Variants in BABAM2 observed in about 807,000 individuals in gnomAD.
BABAM2 encodes the protein BRISC and BRCA1 A complex member 2, also known as BRISC and BRCA1-A complex member 2.
BABAM2 carries 31 observed loss-of-function variants against 54.7 expected under a neutral mutation model. The observed-to-expected ratio is 0.57, with a 90% CI of 0.43 to 0.77. The LOEUF (loss-of-function observed/expected upper bound fraction) is 0.77, where lower values mean the gene tolerates loss of function less well. BABAM2 is among the 30% of genes least tolerant of loss of function. The probability of loss-of-function intolerance (pLI) is 0.00; values close to 1 mark genes in which losing one functional copy is unlikely to be tolerated. For synonymous variants in BABAM2, 167 were observed against 162.9 expected (o/e 1.03, Z -0.19); for missense variants, 364 against 455.8 (o/e 0.80, Z 1.83).
intron 6 of BABAM2, among the ~76,000 whole-genome samples, chr2:28,052,535 G>C (rs1274479636): frequency 6.6e-6 from 1 of 152,070 alleles, no homozygotes; most frequent in Non-Finnish European, 1.5e-5. Context: ...TGATCTGCCT[G>C]CCTGGGTCTC....
chr2:28,055,233 A>G (rs1678308780), intron 6 of BABAM2, among the ~76,000 whole-genome samples: 1 of 152,176 alleles, frequency 6.6e-6, no homozygotes. Context: ...GGATACAAAA[A>G]AGGGAGAAAT....
At chr2:28,079,089 A>G (rs1423587495) in intron 6 of BABAM2, among the ~76,000 whole-genome samples, 2 of 152,176 alleles carry the variant, frequency 1.3e-5, no homozygotes, top group Non-Finnish European at 1.5e-5. Context: ...TTAGCAACTT[A>G]TTTTCTAAAT....
chr2:28,286,176 G>A (rs1201270815), intron 10 of BABAM2, among the ~76,000 whole-genome samples: 5 of 151,930 alleles, frequency 3.3e-5, no homozygotes, highest in African/African-American at 1.2e-4. Flanking sequence ...GGGTGGTCTC[G>A]AACTCCTGAC....
intron 7 of BABAM2, among the ~76,000 whole-genome samples, chr2:28,154,063 A>C (rs1672313130): frequency 6.6e-6 from 1 of 152,190 alleles, no homozygotes; most frequent in South Asian, 2.1e-4. Context: ...GGAGTTACAC[A>C]AGGACAATAG....
rs369622635 is a variant in BABAM2, at chr2:28,240,623, A to G, written c.781-700A>G. Among the ~76,000 whole-genome samples, 18 of 152,268 alleles carry G rather than the reference A, an allele frequency of 1.2e-4. No individual in the cohort carries two copies. The South Asian group carries it at 3.7e-3, about 32-fold the overall frequency. On this transcript the variant is annotated intron_variant, in intron 8 of 11. Transcript: ENST00000379624. ...AGTGGCTCACACCTGTAATCCTAGG[A>G]CTTTGGGAGGCTGAGGCAGGCTGAT...
chr2:27,895,869 C>T (rs755062429), intron 2 of BABAM2, among the ~76,000 whole-genome samples: 9 of 152,190 alleles, frequency 5.9e-5, no homozygotes, highest in Non-Finnish European at 1.3e-4. Context: ...CAGTTATTTA[C>T]TTATGCCAGT....
chr2:28,234,732 C>T (rs1489989286), intron 7 of BABAM2, among the ~76,000 whole-genome samples: 2 of 152,138 alleles, frequency 1.3e-5, no homozygotes, highest in Non-Finnish European at 2.9e-5. Flanking sequence ...ATTTTTCTTG[C>T]ACTGTGGATT....
intron 4 of BABAM2, among the ~76,000 whole-genome samples, chr2:28,019,005 C>G (rs960964966): frequency 6.6e-6 from 1 of 152,132 alleles, no homozygotes; most frequent in Non-Finnish European, 1.5e-5. Flanking sequence ...CCCCTTACCC[C>G]CCAACCCTTG....
At chr2:28,077,077 A>G (rs902056074) in intron 6 of BABAM2, among the ~76,000 whole-genome samples, 5 of 152,194 alleles carry the variant, frequency 3.3e-5, no homozygotes, top group African/African-American at 4.8e-5. Flanking sequence ...AGGCCTTTTC[A>G]GCCTTTAGGT....
intron 6 of BABAM2, among the ~76,000 whole-genome samples, chr2:28,109,184 CT>C (rs764380110): frequency 0.013 from 1,373 of 101,884 alleles, 7 homozygotes; most frequent in South Asian, 0.034. Context: ...GACACATACT[CT>C]TTTTTTTTTT....
At chr2:28,241,219 T>G in intron 8 of BABAM2, 104 bp from the exon 9 acceptor site, 1 of 1,118,548 alleles carries the variant, frequency 8.9e-7, no homozygotes, top group Non-Finnish European at 1.3e-6. Flanking sequence ...AATACCGGTG[T>G]TCACTTTACT....
intron 6 of BABAM2, among the ~76,000 whole-genome samples, chr2:28,080,084 A>G (rs886706555): frequency 1.3e-5 from 2 of 152,166 alleles, no homozygotes; most frequent in African/African-American, 4.8e-5. Context: ...CACTCCTTCT[A>G]TACAAAGAAT....
intron 11 of BABAM2, among the ~76,000 whole-genome samples, chr2:28,301,742 C>G (rs189608743): frequency 2.9e-4 from 44 of 152,328 alleles, no homozygotes; most frequent in Admixed American, 2.0e-3. Context: ...TCCTTTGACT[C>G]TAATCACATA....
chr2:28,141,953 A>C (rs1026493072), intron 7 of BABAM2, among the ~76,000 whole-genome samples: 1 of 152,164 alleles, frequency 6.6e-6, no homozygotes, highest in Non-Finnish European at 1.5e-5. Context: ...GTAATTATTT[A>C]GTATCTAAAG....
chr2:28,168,464 C>A (rs897102261), intron 7 of BABAM2, among the ~76,000 whole-genome samples: 1 of 152,108 alleles, frequency 6.6e-6, no homozygotes, highest in Non-Finnish European at 1.5e-5. Flanking sequence ...CTTGCCCGAT[C>A]TGCTTTGTAT....
intron 10 of BABAM2, among the ~76,000 whole-genome samples, chr2:28,257,356 C>T (rs1369119033): frequency 6.6e-6 from 1 of 152,196 alleles, no homozygotes; most frequent in Non-Finnish European, 1.5e-5. Context: ...AGTTGGTCTC[C>T]TCCCCTGACT....
chr2:27,945,107 C>T (rs968591358), intron 3 of BABAM2, among the ~76,000 whole-genome samples: 2 of 151,980 alleles, frequency 1.3e-5, no homozygotes, highest in African/African-American at 4.8e-5. Flanking sequence ...CAACCTTGAC[C>T]TCCTGGGCTC....
chr2:27,980,269 G>A (rs1046381227), intron 3 of BABAM2, among the ~76,000 whole-genome samples: 4 of 152,068 alleles, frequency 2.6e-5, no homozygotes, highest in African/African-American at 9.7e-5. Context: ...AGTAAGCAGT[G>A]TCCAGGTAAT....
At chr2:28,122,273 T>C (rs1294726482) in intron 6 of BABAM2, among the ~76,000 whole-genome samples, 1 of 152,084 alleles carries the variant, frequency 6.6e-6, no homozygotes, top group Non-Finnish European at 1.5e-5. Flanking sequence ...ACTCGAGGAA[T>C]TACACTTAAT....
Sources: allele counts gnomAD v4.1 joint callset (sites outside exome capture counted in the v4.1 genomes callset), GRCh38; gene constraint gnomAD v4.1.1; transcripts MANE v1.5; gene names NCBI Gene and HGNC (gene_info 2026-07-23, HGNC 2026-07-21).